Variants in APOL1 observed in about 807,000 individuals in gnomAD.
APOL1 encodes apolipoprotein L1, also known as apolipoprotein L 1.
In APOL1, 17 loss-of-function variants were observed where a neutral mutation model predicts 14.9. The observed-to-expected ratio is 1.14, with a 90% CI of 0.78 to 1.71. The LOEUF (loss-of-function observed/expected upper bound fraction) is 1.71. Among genes scored for constraint, APOL1 ranks in the 40% most tolerant of loss-of-function variants. APOL1 has a pLI of 0.00. For missense variants in APOL1, 523 were observed against 485.9 expected, an observed-to-expected ratio of 1.08 and a Z score of -0.72; for synonymous variants, 195 against 184.8, an observed-to-expected ratio of 1.05 and a Z score of -0.45.
At chr22:36,254,764 G>C (rs2015803754) in intron 1 of APOL1, 173 bp from the exon 2 acceptor site, 1 of 709,654 alleles carries the variant, frequency 1.4e-6, no homozygotes, top group South Asian at 1.7e-5. Flanking sequence ...TCGGGAGGCT[G>C]AGGCAGGAGA....
Position 36,265,019 on chromosome 22 carries a change from G to T in APOL1, c.315-132G>T, listed in dbSNP as rs1603482232. On this transcript the variant is annotated intron_variant, in intron 5 of 5. Coordinates refer to ENST00000397278, the MANE Select transcript of APOL1 (RefSeq NM_003661.4). The stretch of plus-strand genomic sequence containing the variant: ...GTAGAGACAGGGTTTCACCGTATTA[G>T]TCAGGATGGTCTCAATCTCCTGACC... The T allele has an allele frequency of 5.0e-6, 6 of 1,202,660 alleles. No individual in the cohort carries two copies. The East Asian group carries it at 1.5e-4, about 30-fold the overall frequency. 74.5% of individuals were successfully genotyped at this position (1,202,660 alleles called of 1,614,324 possible).
chr22:36,257,626 C>A, intron 4 of APOL1: 2 of 536,914 alleles, frequency 3.7e-6, no homozygotes, highest in South Asian at 4.5e-5. Context: ...CAGGTGCCCA[C>A]TTCCTCCCTA....
Position 36,257,074 on chromosome 22 carries a change from C to A in APOL1, c.45-9C>A. 1 of 1,614,110 alleles carries A rather than the reference C, an allele frequency of 6.2e-7. No homozygotes were observed. Among genetic ancestry groups the A allele is most frequent in the South Asian group, 1.1e-5 (1 of 91,090 alleles). ...GTCCTCTGATTATCTTCTCCTCATA[C>A]CCCAACAGGATGAGTGCACTTTTCC... On this transcript the variant is annotated splice_polypyrimidine_tract_variant and intron_variant, in intron 2 of 5. Transcript: ENST00000397278.
chr22:36,253,917 G>T (rs201458617), intron 1 of APOL1: 15 of 1,613,506 alleles, frequency 9.3e-6, no homozygotes, highest in Non-Finnish European at 1.3e-5. Context: ...AGTGAGAAGG[G>T]TGCGTTGCAG....
At chr22:36,261,285 T>C (rs2016063637) in intron 4 of APOL1, among the ~76,000 whole-genome samples, 1 of 152,212 alleles carries the variant, frequency 6.6e-6, no homozygotes, top group Admixed American at 6.5e-5. Context: ...TCACACAGTC[T>C]TCTTGTGTCC....
In APOL1 at chr22:36,265,473, G is replaced by A; in HGVS notation, c.637G>A (p.Glu213Lys). 2 of 1,614,114 alleles carry A rather than the reference G, an allele frequency of 1.2e-6. No homozygotes were observed. Among genetic ancestry groups the A allele is most frequent in the Non-Finnish European group, 1.7e-6 (2 of 1,180,000 alleles). ...CCTTGTACTCTTGGAACCTGGGATG[G>A]AGTTGGGAATCACAGCCGCTTTGAC... ...GSLVLLEPGM[E>K]LGITAALTGI... is the part of the protein sequence containing the mutation. Residue 213 changes from glutamate (E) to lysine (K), a missense_variant, in exon 6 of 6, where the codon GAG becomes AAG. Transcript: ENST00000397278.
At position 36,257,302 on chromosome 22, in the gene APOL1, GT is replaced by G. The variant is rs1204624948; in HGVS notation, c.99-13del. The G allele has an allele frequency of 1.2e-6, 2 of 1,613,412 alleles. No homozygotes were observed. The highest frequency in any genetic ancestry group is 2.7e-5 in the African/African-American group (2 of 74,910). ...TGGCTCACATTTGATCCCACAATTTGTTTTCTCCTCCTCAAGGGTGCAACAA... is the reference window on the plus strand; with the variant it reads ...TGGCTCACATTTGATCCCACAATTTGTTTCTCCTCCTCAAGGGTGCAACAA... On this transcript the variant is annotated splice_polypyrimidine_tract_variant and intron_variant, in intron 3 of 5. Transcript: ENST00000397278.
rs1442934615 is a variant in APOL1 at position 36,265,562 on chromosome 22, C to A, written c.726C>A (p.Asp242Glu). The A allele has an allele frequency of 6.2e-7, 1 of 1,602,376 alleles. No homozygotes were observed. Among genetic ancestry groups the A allele is most frequent in the African/African-American group, 1.3e-5 (1 of 74,670 alleles). Residue 242 changes from aspartate to glutamate, a missense_variant, in exon 6 of 6, where the codon GAC becomes GAA. Asp to Glu is a conservative substitution (Grantham distance 45, BLOSUM62 2). Coordinates refer to ENST00000397278, the MANE Select transcript of APOL1 (RefSeq NM_003661.4). ...GGTGGACACAAGCCCAAGCCCACGA[C>A]CTGGTCATCAAAAGCCTTGACAAAT... Reference protein sequence around the residue: ...KKWWTQAQAHDLVIKSLDKLK... With the variant: ...KKWWTQAQAHELVIKSLDKLK...
At position 36,257,706 on chromosome 22, in the gene APOL1, G is replaced by T. The variant is rs9610469; in HGVS notation, c.187+299G>T. On this transcript the variant is annotated intron_variant, in intron 4 of 5. Transcript: ENST00000397278. The stretch of plus-strand genomic sequence containing the variant: ...GGGAAGTGGAATCAGCGGGGGGGGG[G>T]GGGAGTGTGGGGAGAGCAGGGTCCA... The T allele has an allele frequency of 5.4e-4, 134 of 248,444 alleles. 2 individuals carry two copies. Among genetic ancestry groups the T allele is most frequent in the African/African-American group, 2.4e-3 (91 of 38,302 alleles). 15.4% of individuals were successfully genotyped at this position (248,444 alleles called of 1,614,324 possible). A position where few individuals can be genotyped will look rare whatever the true frequency, so the allele number is the denominator to read the frequency against.
At position 36,257,096 on chromosome 22, in the gene APOL1, T is replaced by C. The variant is rs2015906589; in HGVS notation, c.58T>C (p.Phe20Leu). 1.2e-6 allele frequency: 2 copies of C among 1,614,170 alleles called. No individual in the cohort carries two copies. Among genetic ancestry groups the C allele is most frequent in the East Asian group, 2.2e-5 (1 of 44,890 alleles). The change falls in exon 3 of 6, where the codon TTC (phenylalanine) becomes CTC (leucine). Residue 20 changes from phenylalanine (F) to leucine (L), a missense_variant. Phe to Leu is a conservative substitution (Grantham distance 22, BLOSUM62 0). Coordinates refer to ENST00000397278, the MANE Select transcript of APOL1 (RefSeq NM_003661.4). Reference sequence around the variant, plus strand: ...ATACCCCAACAGGATGAGTGCACTTTTCCTTGGTGTGGGAGTGAGGGCAGA... The same window carrying C: ...ATACCCCAACAGGATGAGTGCACTTCTCCTTGGTGTGGGAGTGAGGGCAGA... ...SVLCIWMSAL[F>L]LGVGVRAEEA...
chr22:36,265,616 G>T lies in APOL1; in HGVS notation c.780G>T (p.Glu260Asp). Residue 260 changes from glutamate to aspartate, a missense_variant, in exon 6 of 6, where the codon GAG (glutamate) becomes GAT (aspartate). Coordinates refer to ENST00000397278, the MANE Select transcript of APOL1 (RefSeq NM_003661.4). ...KLKEVREFLG[E>D]NISNFLSLAG... Reference sequence around the variant, plus strand: ...AGGAGGTGAGGGAGTTTTTGGGTGAGAACATATCCAACTTTCTTTCCTTAG... The same window carrying T: ...AGGAGGTGAGGGAGTTTTTGGGTGATAACATATCCAACTTTCTTTCCTTAG... 6.3e-7 allele frequency: 1 copy of T among 1,596,750 alleles called. No homozygotes were observed. The highest frequency in any genetic ancestry group is 8.5e-7 in the Non-Finnish European group (1 of 1,171,614).
rs768448236 is a variant in APOL1, at chr22:36,261,630, T to C, written c.222T>C (p.Tyr74=). The change falls in exon 5 of 6, where the codon TAT becomes TAC. Residue 74 remains tyrosine, a synonymous_variant. Coordinates refer to ENST00000397278, the MANE Select transcript of APOL1 (RefSeq NM_003661.4). ...SSIFIEDAIK[Y]FKEKVSTQNL... is the part of the protein sequence containing the mutation. Reference sequence around the variant, plus strand: ...TCTTTATTGAGGATGCCATTAAGTATTTCAAGGAAAAAGTGAGCACACAGA... The same window carrying C: ...TCTTTATTGAGGATGCCATTAAGTACTTCAAGGAAAAAGTGAGCACACAGA... The C allele has an allele frequency of 6.2e-7, 1 of 1,613,960 alleles. No individual in the cohort carries two copies. Among genetic ancestry groups the C allele is most frequent in the Admixed American group, 1.7e-5 (1 of 60,006 alleles).
chr22:36,266,813 G>A lies in APOL1; in HGVS notation c.*780G>A, dbSNP rs1370195090. ...CCAGCTAACTGGGCGGCTGAGGCAG[G>A]AGAATGGCGTGAACCTGGGAGGTGG... On this transcript the variant is annotated 3_prime_UTR_variant, in exon 6 of 6. Coordinates refer to ENST00000397278, the MANE Select transcript of APOL1 (RefSeq NM_003661.4). 3 of 293,640 alleles carry A rather than the reference G, an allele frequency of 1.0e-5. No individual in the cohort carries two copies. In the East Asian group the frequency reaches 1.6e-4, roughly 15 times the overall value. 18.2% of individuals were successfully genotyped at this position (293,640 alleles called of 1,614,324 possible).
In APOL1 at chr22:36,266,835, G is replaced by A. The variant is rs1408328291; in HGVS notation, c.*802G>A. On this transcript the variant is annotated 3_prime_UTR_variant, in exon 6 of 6. Coordinates refer to ENST00000397278, the MANE Select transcript of APOL1 (RefSeq NM_003661.4). Reference sequence around the variant, plus strand: ...CAGGAGAATGGCGTGAACCTGGGAGGTGGAGCTTGCAGTGAGCCGAGATAT... The same window carrying A: ...CAGGAGAATGGCGTGAACCTGGGAGATGGAGCTTGCAGTGAGCCGAGATAT... 2.2e-5 allele frequency: 6 copies of A among 273,718 alleles called. No individual in the cohort carries two copies. Among genetic ancestry groups the A allele is most frequent in the Non-Finnish European group, 4.1e-5 (6 of 146,674 alleles). The allele number at this position is 273,718 out of a possible 1,614,324, so 17.0% of individuals were successfully genotyped here. A position where few individuals can be genotyped will look rare whatever the true frequency, so the allele number is the denominator to read the frequency against.
rs779927551 is a variant in APOL1 at position 36,257,116 on chromosome 22, G to A, written c.78G>A (p.Arg26=). ...CACTTTTCCTTGGTGTGGGAGTGAG[G>A]GCAGAGGAAGCTGGAGCGAGGTGAG... ...MSALFLGVGV[R]AEEAGARVQQ... is the part of the protein sequence containing the mutation. The change falls in exon 3 of 6, where the codon AGG becomes AGA. Residue 26 remains arginine (R), a synonymous_variant. Coordinates refer to ENST00000397278, the MANE Select transcript of APOL1 (RefSeq NM_003661.4). 6.2e-7 allele frequency: 1 copy of A among 1,614,136 alleles called. No individual in the cohort carries two copies. Among genetic ancestry groups the A allele is most frequent in the Non-Finnish European group, 8.5e-7 (1 of 1,180,022 alleles).
In APOL1 at chr22:36,258,049, C is replaced by T. The variant is rs192909929; in HGVS notation, c.187+642C>T. On this transcript the variant is annotated intron_variant, in intron 4 of 5. Transcript: ENST00000397278. ...TTGAGGATCAAATATAACACGGCTACCTGGCCTGGCCAGTGCCTGCCACAC... is the reference window on the plus strand; with the variant it reads ...TTGAGGATCAAATATAACACGGCTATCTGGCCTGGCCAGTGCCTGCCACAC... 2.7e-4 allele frequency among the ~76,000 whole-genome samples: 41 copies of T among 152,326 alleles called. 2 individuals are homozygous for T. The East Asian group carries it at 7.7e-3, about 29-fold the overall frequency.
At position 36,265,225 on chromosome 22, in the gene APOL1, A is replaced by G; in HGVS notation, c.389A>G (p.His130Arg). Residue 130 changes from histidine (H) to arginine (R), a missense_variant, in exon 6 of 6, where the codon CAC becomes CGC. Coordinates refer to ENST00000397278, the MANE Select transcript of APOL1 (RefSeq NM_003661.4). ...ATGATCATGAAAGACAAAAACTGGC[A>G]CGATAAAGGCCAGCAGTACAGAAAC... The part of the protein sequence containing the change: ...RQMIMKDKNW[H>R]DKGQQYRNWF... 6.2e-7 allele frequency: 1 copy of G among 1,614,242 alleles called. No homozygotes were observed. Among genetic ancestry groups the G allele is most frequent in the Non-Finnish European group, 8.5e-7 (1 of 1,180,038 alleles).
Position 36,266,735 on chromosome 22 carries a change from C to A in APOL1, c.*702C>A. ...CCTGGCTAACACAGTGAAACCCCGT[C>A]TCTACTAAAAATACAAAAAATTAGC... is the stretch of plus-strand genomic sequence containing the variant. On this transcript the variant is annotated 3_prime_UTR_variant, in exon 6 of 6. Transcript: ENST00000397278. 3.0e-6 allele frequency: 1 copy of A among 335,174 alleles called. No individual in the cohort carries two copies. Among genetic ancestry groups the A allele is most frequent in the Non-Finnish European group, 5.4e-6 (1 of 184,632 alleles). 20.8% of individuals were successfully genotyped at this position (335,174 alleles called of 1,614,324 possible).
In APOL1 at chr22:36,261,595, G is replaced by C. The variant is rs1464556754; in HGVS notation, c.188-1G>C. On this transcript the variant is annotated splice_acceptor_variant, in intron 4 of 5. Coordinates refer to ENST00000397278, the MANE Select transcript of APOL1 (RefSeq NM_003661.4). LOFTEE classifies it high-confidence loss of function. The stretch of plus-strand genomic sequence containing the variant: ...CCTTATCCTTTCTTCTTTCCAACTA[G>C]AGAGCAGTATCTTTATTGAGGATGC... The C allele has an allele frequency of 6.2e-7, 1 of 1,612,842 alleles. No homozygotes were observed. Among genetic ancestry groups the C allele is most frequent in the Non-Finnish European group, 8.5e-7 (1 of 1,179,106 alleles).
Sources: gnomAD v4.1 joint callset for allele counts (sites outside exome capture counted in the v4.1 genomes callset) on GRCh38, gnomAD v4.1.1 for gene constraint, MANE v1.5 for transcripts, NCBI Gene and HGNC (gene_info 2026-07-23, HGNC 2026-07-21) for gene names.